The following ADAM2 variants were observed in gnomAD, a reference collection of about 807,000 sequenced individuals.
ADAM2 encodes the protein ADAM metallopeptidase domain 2.
ADAM2 carries 101 observed loss-of-function variants against 99.3 expected under a neutral mutation model. The ratio of observed to expected loss-of-function variants is 1.02; its 90% CI spans 0.87 to 1.20. ADAM2 has a LOEUF of 1.20. Ranked by LOEUF, ADAM2 falls within the 50% of genes most tolerant of loss-of-function variation. ADAM2 has a pLI of 0.00. For missense variants in ADAM2, 948 were observed against 878.7 expected (o/e 1.08, Z -1.00); for synonymous variants, 323 against 287.6 (o/e 1.12, Z -1.25).
At chr8:39,777,845 A>T (rs1030847918) in intron 10 of ADAM2, among the ~76,000 whole-genome samples, 7 of 151,722 alleles carry the variant, frequency 4.6e-5, no homozygotes, top group Admixed American at 3.3e-4. Context: ...AATTAAAAAA[A>T]TTGATTCCTC....
At chr8:39,764,363 T>C (rs1029434220) in intron 14 of ADAM2, among the ~76,000 whole-genome samples, 2 of 152,194 alleles carry the variant, frequency 1.3e-5, no homozygotes, top group Non-Finnish European at 2.9e-5. Flanking sequence ...TGAGCTGTGA[T>C]TGCATCACTG....
intron 16 of ADAM2, among the ~76,000 whole-genome samples, chr8:39,755,044 AGTTT>A (rs1202416931): frequency 1.8e-4 from 27 of 152,098 alleles, no homozygotes; most frequent in African/African-American, 4.8e-4. Flanking sequence ...TTATTCTGTG[AGTTT>A]GTTTATTATT....
At chr8:39,809,516 T>C (rs1191628732) in intron 6 of ADAM2, 50 bp from the exon 7 acceptor site, 1 of 848,602 alleles carries the variant, frequency 1.2e-6, no homozygotes, top group African/African-American at 1.7e-5. Flanking sequence ...TACTTAAGTA[T>C]TTTTAGTGCA....
rs368149899 is a variant in ADAM2 at position 39,781,070 on chromosome 8, G to A, written c.892-3909C>T. Among the ~76,000 whole-genome samples, 40 of 150,514 alleles carry A rather than the reference G, an allele frequency of 2.7e-4. 1 individual carries two copies. Among genetic ancestry groups the A allele is most frequent in the East Asian group, 7.8e-4 (4 of 5,122 alleles). On this transcript the variant is annotated intron_variant, in intron 10 of 20. Coordinates refer to ENST00000265708, the MANE Select transcript of ADAM2 (RefSeq NM_001464.5). ...CTCGCCCAGGCTGGAGTGCAGTGGC[G>A]CCATCTTGGCTCACTGTAAGTTCCT...
intron 14 of ADAM2, among the ~76,000 whole-genome samples, chr8:39,763,531 G>A (rs1450171128): frequency 6.6e-6 from 1 of 152,194 alleles, no homozygotes; most frequent in Non-Finnish European, 1.5e-5. Flanking sequence ...TGTGATGCAT[G>A]TACTGGCATG....
intron 14 of ADAM2, among the ~76,000 whole-genome samples, chr8:39,762,997 T>G (rs1802429491): frequency 6.6e-6 from 1 of 152,172 alleles, no homozygotes; most frequent in South Asian, 2.1e-4. Context: ...TTGGGCATAT[T>G]CTCATTTGTT....
At chr8:39,816,236 G>T (rs1246510889) in intron 6 of ADAM2, among the ~76,000 whole-genome samples, 1 of 152,194 alleles carries the variant, frequency 6.6e-6, no homozygotes, top group Non-Finnish European at 1.5e-5. Context: ...GGTGGAGGTT[G>T]CAGTGAGCAG....
In ADAM2 at chr8:39,797,309, C is replaced by A. The variant is rs368515259; in HGVS notation, c.571-8569G>T. Among the ~76,000 whole-genome samples the A allele has an allele frequency of 2.0e-4, 30 of 151,922 alleles. No individual in the cohort carries two copies. The East Asian group carries it at 2.1e-3, about 11-fold the overall frequency. On this transcript the variant is annotated intron_variant, in intron 7 of 20. Coordinates refer to ENST00000265708, the MANE Select transcript of ADAM2 (RefSeq NM_001464.5). ...AGCACCATTTACTGAATCGGAGATC[C>A]TTTCCTCATTGCTTGTTTTTGTCAG...
chr8:39,761,641 T>C (rs10087294), intron 14 of ADAM2, among the ~76,000 whole-genome samples: 71,474 of 151,984 alleles, frequency 0.47, 17,139 homozygotes, highest in South Asian at 0.67. Context: ...AGCATGAATG[T>C]CTTTTCAAGT....
chr8:39,794,072 T>C (rs1473356476), intron 7 of ADAM2, among the ~76,000 whole-genome samples: 3 of 152,184 alleles, frequency 2.0e-5, no homozygotes, highest in Non-Finnish European at 2.9e-5. Context: ...GATCCAGATT[T>C]GCATGTGTTT....
rs1384913982 is a variant in ADAM2, at chr8:39,755,842, A to AGTGGCTCTTGGC, written c.1682_1683insGCCAAGAGCCAC (p.Pro558_Thr561dup). 6.2e-6 allele frequency: 10 copies of AGTGGCTCTTGGC among 1,605,052 alleles called. No homozygotes were observed. Among genetic ancestry groups the AGTGGCTCTTGGC allele is most frequent in the Non-Finnish European group, 8.5e-6 (10 of 1,172,304 alleles). On this transcript the variant is annotated inframe_insertion, in exon 16 of 21. Transcript: ENST00000265708. ...GTCCACTTATGTTGGCATAAATAAT[A>AGTGGCTCTTGGC]GTGGCTCTTGGAATTTGTAATAAAA...
chr8:39,763,749 G>C (rs1335377631), intron 14 of ADAM2, among the ~76,000 whole-genome samples: 3 of 152,158 alleles, frequency 2.0e-5, no homozygotes, highest in African/African-American at 7.2e-5. Flanking sequence ...CTTTGGACTT[G>C]CTCTCAAATT....
chr8:39,797,291 T>C (rs899401221), intron 7 of ADAM2, among the ~76,000 whole-genome samples: 1 of 152,228 alleles, frequency 6.6e-6, no homozygotes, highest in East Asian at 1.9e-4. Flanking sequence ...CCCAGCACCA[T>C]TTACTGAATC....
chr8:39,784,636 T>C (rs1014359537), intron 10 of ADAM2, among the ~76,000 whole-genome samples: 1 of 152,236 alleles, frequency 6.6e-6, no homozygotes, highest in Non-Finnish European at 1.5e-5. Flanking sequence ...CTCCTCTTTG[T>C]TAATCAGTGA....
chr8:39,764,878 G>A (rs1244643121), intron 14 of ADAM2, among the ~76,000 whole-genome samples: 1 of 151,916 alleles, frequency 6.6e-6, no homozygotes, highest in Non-Finnish European at 1.5e-5. Context: ...AGCCGGGTGT[G>A]GTGGTGTGTG....
intron 6 of ADAM2, among the ~76,000 whole-genome samples, chr8:39,820,675 T>C (rs983993315): frequency 6.6e-6 from 1 of 152,158 alleles, no homozygotes; most frequent in Non-Finnish European, 1.5e-5. Context: ...CCATTTTTTA[T>C]GTGGATGGCA....
rs145178765 is a variant in ADAM2 at position 39,832,443 on chromosome 8, C to A, written c.188+1501G>T. Among the ~76,000 whole-genome samples the A allele has an allele frequency of 9.8e-5, 15 of 152,314 alleles. No individual in the cohort carries two copies. The South Asian group carries it at 3.1e-3, about 32-fold the overall frequency. ...CACCAGTGTGGACTACCCAACAACA[C>A]TTTATGCTGTCCCATCCCATAATAT... On this transcript the variant is annotated intron_variant, in intron 3 of 20. Coordinates refer to ENST00000265708, the MANE Select transcript of ADAM2 (RefSeq NM_001464.5).
At chr8:39,805,140 C>A (rs1804384691) in intron 7 of ADAM2, among the ~76,000 whole-genome samples, 1 of 152,120 alleles carries the variant, frequency 6.6e-6, no homozygotes, top group Non-Finnish European at 1.5e-5. Context: ...CTTTTTAGAC[C>A]TGTTTTACAA....
chr8:39,803,063 A>G (rs1376728), intron 7 of ADAM2, among the ~76,000 whole-genome samples: 6,303 of 152,226 alleles, frequency 0.041, 430 homozygotes, highest in African/African-American at 0.14. Context: ...TAATTCTACA[A>G]TTAGAACAAG....
Sources: allele counts gnomAD v4.1 joint callset (sites outside exome capture counted in the v4.1 genomes callset), GRCh38; gene constraint gnomAD v4.1.1; transcripts MANE v1.5; gene names NCBI Gene and HGNC (gene_info 2026-07-23, HGNC 2026-07-21).